Variants in DHX35 observed in about 807,000 individuals in gnomAD.
DHX35 encodes DEAH-box helicase 35, also known as probable ATP-dependent RNA helicase DHX35.
DHX35 carries 84 observed loss-of-function variants against 99.6 expected under a neutral mutation model. That is an observed-to-expected ratio of 0.84 (90% CI 0.71 to 1.01). DHX35 has a LOEUF of 1.01. Ranked by LOEUF, DHX35 falls within the 50% of genes least tolerant of loss-of-function variation. The pLI, the probability that DHX35 is intolerant of heterozygous loss-of-function variation, is 0.00. For synonymous variants in DHX35, 331 were observed against 316.2 expected, an observed-to-expected ratio of 1.05 and a Z score of -0.50; for missense variants, 852 against 888.5, an observed-to-expected ratio of 0.96 and a Z score of 0.52.
chr20:39,038,405 A>G (rs2087190744), intron 21 of DHX35, 94 bp from the exon 22 acceptor site: 2 of 1,370,484 alleles, frequency 1.5e-6, no homozygotes, highest in Admixed American at 3.5e-5. Flanking sequence ...GACCAGATGG[A>G]AGATTTGATG....
At chr20:38,991,786 T>C (rs1296453918) in intron 6 of DHX35, among the ~76,000 whole-genome samples, 2 of 152,230 alleles carry the variant, frequency 1.3e-5, no homozygotes, top group Non-Finnish European at 2.9e-5. Context: ...ACTCCAGTAT[T>C]GATGGTGACT....
chr20:38,971,572 A>G (rs73287175), intron 2 of DHX35, among the ~76,000 whole-genome samples: 8,712 of 152,088 alleles, frequency 0.057, 833 homozygotes, highest in African/African-American at 0.2. Flanking sequence ...TCTGCTTTGT[A>G]TATTGTCCTT....
rs1455030466 is a variant in DHX35, at chr20:39,038,477, AGT to A, written c.2068-19_2068-18del. The A allele has an allele frequency of 6.2e-7, 1 of 1,613,450 alleles. No homozygotes were observed. Among genetic ancestry groups the A allele is most frequent in the East Asian group, 2.2e-5 (1 of 44,890 alleles). The stretch of plus-strand genomic sequence containing the variant: ...TCTTTGTCTAATCAACCCCAACTGT[AGT>A]GTCTTCTCTTCTGTTGCAGCACCTG... On this transcript the variant is annotated intron_variant, in intron 21 of 21. Transcript: ENST00000252011.
At chr20:39,019,095 A>G (rs929890480) in intron 15 of DHX35, among the ~76,000 whole-genome samples, 196 bp downstream of exon 15, 1 of 152,208 alleles carries the variant, frequency 6.6e-6, no homozygotes, top group Admixed American at 6.5e-5. Flanking sequence ...TTGTTGTGCA[A>G]CCATCAGCAC....
In DHX35 at chr20:38,983,661, G is replaced by A. The variant is rs113007502; in HGVS notation, c.268-38G>A. On this transcript the variant is annotated intron_variant, in intron 3 of 21. Transcript: ENST00000252011. ...TTGGGGGAGATTGCTCTGCAAAAGT[G>A]GTATCATATGTATACTTAGATGTGA... The A allele has an allele frequency of 1.6e-3, 2,471 of 1,570,542 alleles. 39 individuals are homozygous for A. In the African/African-American group the frequency reaches 0.028, roughly 18 times the overall value.
intron 5 of DHX35, among the ~76,000 whole-genome samples, chr20:38,989,978 T>A (rs965440390): frequency 3.3e-5 from 5 of 152,238 alleles, no homozygotes; most frequent in African/African-American, 9.6e-5. Flanking sequence ...GAAAATCAGA[T>A]GAGCTGAATG....
At chr20:38,991,122 T>C (rs898722644) in intron 5 of DHX35, among the ~76,000 whole-genome samples, 1 of 152,244 alleles carries the variant, frequency 6.6e-6, no homozygotes, top group Non-Finnish European at 1.5e-5. Context: ...GGTGTTTCTT[T>C]GGGCAGATAC....
chr20:38,983,075 G>T (rs922776526), intron 3 of DHX35, among the ~76,000 whole-genome samples: 2 of 152,062 alleles, frequency 1.3e-5, no homozygotes, highest in African/African-American at 4.8e-5. Flanking sequence ...ACAGGCATGT[G>T]CCACCACACC....
At chr20:38,966,727 A>G (rs1022371280) in intron 1 of DHX35, among the ~76,000 whole-genome samples, 7 of 152,226 alleles carry the variant, frequency 4.6e-5, no homozygotes, top group African/African-American at 7.2e-5. Context: ...CAAGGGAGGA[A>G]TACGGTAGTA....
chr20:38,986,052 C>T (rs2086244364), intron 4 of DHX35, among the ~76,000 whole-genome samples: 1 of 152,190 alleles, frequency 6.6e-6, no homozygotes, highest in Non-Finnish European at 1.5e-5. Context: ...TAAGCTCTAA[C>T]ACCTGTCTTA....
At chr20:39,008,752 C>T (rs373023579) in intron 12 of DHX35, among the ~76,000 whole-genome samples, 4 of 152,262 alleles carry the variant, frequency 2.6e-5, no homozygotes, top group Admixed American at 1.3e-4. Context: ...AACTACTACA[C>T]GACATGCTCT....
rs2087194394 is a variant in DHX35 at position 39,038,545 on chromosome 20, A to G, written c.*2A>G. On this transcript the variant is annotated 3_prime_UTR_variant, in exon 22 of 22. Transcript: ENST00000252011. ...AGGGCCAAGGTCCAGGACCCGTGAGAGGAGCCCACAGCTACAGCTGCAGGG... is the reference window on the plus strand; with the variant it reads ...AGGGCCAAGGTCCAGGACCCGTGAGGGGAGCCCACAGCTACAGCTGCAGGG... 6.2e-7 allele frequency: 1 copy of G among 1,611,818 alleles called. No individual in the cohort carries two copies. The highest frequency in any genetic ancestry group is 2.2e-5 in the East Asian group (1 of 44,876).
intron 15 of DHX35, among the ~76,000 whole-genome samples, chr20:39,020,108 A>T (rs950607618): frequency 2.6e-5 from 4 of 152,186 alleles, no homozygotes; most frequent in African/African-American, 9.7e-5. Flanking sequence ...TTGTGTGTGT[A>T]CATATTTATA....
chr20:39,022,973 T>C (rs1454943401), intron 16 of DHX35, among the ~76,000 whole-genome samples: 1 of 152,162 alleles, frequency 6.6e-6, no homozygotes, highest in African/African-American at 2.4e-5. Flanking sequence ...GGAGAGAGAC[T>C]TTCTTAGGGA....
At chr20:38,972,003 TG>T (rs1479910400) in intron 2 of DHX35, among the ~76,000 whole-genome samples, 3,511 of 131,354 alleles carry the variant, frequency 0.027, 131 homozygotes, top group East Asian at 0.11. Flanking sequence ...TGTTTTGTTT[TG>T]TTTTTTTTTT....
intron 21 of DHX35, among the ~76,000 whole-genome samples, chr20:39,036,120 A>C (rs1460590592): frequency 6.6e-6 from 1 of 152,248 alleles, no homozygotes; most frequent in Non-Finnish European, 1.5e-5. Context: ...GCAGTGGTCA[A>C]AATGCCTGTT....
At chr20:39,001,591 C>T in intron 8 of DHX35, 139 bp from the exon 9 acceptor site, 1 of 516,886 alleles carries the variant, frequency 1.9e-6, no homozygotes, top group African/African-American at 2.0e-5. Context: ...ATGTATTTTG[C>T]AACCCATAAT....
At chr20:39,002,698 C>A in intron 9 of DHX35, 74 bp from the exon 10 acceptor site, 1 of 1,366,034 alleles carries the variant, frequency 7.3e-7, no homozygotes, top group Non-Finnish European at 1.0e-6. Context: ...GCTTTGCTGC[C>A]AGATTATTAG....
chr20:39,010,135 A>G (rs2086677485), intron 12 of DHX35, 145 bp from the exon 13 acceptor site: 1 of 1,012,636 alleles, frequency 9.9e-7, no homozygotes, highest in Admixed American at 2.4e-5. Context: ...TATAAAAATA[A>G]CTTTATATCA....
Sources: allele counts gnomAD v4.1 joint callset (sites outside exome capture counted in the v4.1 genomes callset), GRCh38; gene constraint gnomAD v4.1.1; transcripts MANE v1.5; gene names NCBI Gene and HGNC (gene_info 2026-07-23, HGNC 2026-07-21).